NR2F1-AS1: variants seen among roughly 807,000 people sequenced by gnomAD.
NR2F1-AS1 encodes NR2F1 regulatory antisense RNA 1.
At chr5:93,418,204 A>G (rs1749007646) in intron 4 of NR2F1-AS1, among the ~76,000 whole-genome samples, 2 of 152,304 alleles carry the variant, frequency 1.3e-5, no homozygotes, top group African/African-American at 4.8e-5. Flanking sequence ...CTGGTGACTG[A>G]CAGCCGAGGC....
intron 4 of NR2F1-AS1, among the ~76,000 whole-genome samples, chr5:93,531,329 T>C (rs4557387): frequency 0.029 from 4,479 of 152,152 alleles, 214 homozygotes; most frequent in African/African-American, 0.1. Context: ...ATTTGACTGT[T>C]CTAAAACGAA....
intron 4 of NR2F1-AS1, among the ~76,000 whole-genome samples, chr5:93,549,657 G>C (rs1752177644): frequency 1.3e-5 from 2 of 152,046 alleles, no homozygotes. Flanking sequence ...CTTTTACTAA[G>C]GGAATGACTG....
chr5:93,423,174 C>T (rs1249852543), intron 4 of NR2F1-AS1: 1 of 152,262 alleles, frequency 6.6e-6, no homozygotes, highest in Non-Finnish European at 1.5e-5. Flanking sequence ...TGAGAATTCT[C>T]TGAGCAGGAT....
chr5:93,563,169 T>C (rs1163263734), intron 2 of NR2F1-AS1, among the ~76,000 whole-genome samples: 1 of 152,218 alleles, frequency 6.6e-6, no homozygotes, highest in Non-Finnish European at 1.5e-5. Flanking sequence ...TGGGATTATA[T>C]ATGGGCAAGA....
chr5:93,515,499 T>A (rs1431145849), intron 4 of NR2F1-AS1, among the ~76,000 whole-genome samples: 1 of 151,970 alleles, frequency 6.6e-6, no homozygotes, highest in Admixed American at 6.6e-5. Flanking sequence ...GCTGTTTTAA[T>A]TTTTAAACTT....
At chr5:93,457,120 C>A (rs1354966404) in intron 4 of NR2F1-AS1, among the ~76,000 whole-genome samples, 1 of 152,146 alleles carries the variant, frequency 6.6e-6, no homozygotes, top group African/African-American at 2.4e-5. Flanking sequence ...TGCAAAGAGG[C>A]CTTCCTCTTT....
At chr5:93,536,148 A>T (rs1463563322) in intron 4 of NR2F1-AS1, among the ~76,000 whole-genome samples, 1 of 152,210 alleles carries the variant, frequency 6.6e-6, no homozygotes, top group African/African-American at 2.4e-5. Context: ...ATATGCTAAT[A>T]GTGAACTATG....
intron 4 of NR2F1-AS1, among the ~76,000 whole-genome samples, chr5:93,430,097 G>C (rs1749278823): frequency 6.6e-6 from 1 of 152,130 alleles, no homozygotes; most frequent in Non-Finnish European, 1.5e-5. Flanking sequence ...GCAGTCAATG[G>C]TCTTCTCAAA....
chr5:93,555,279 T>C (rs902705827), intron 2 of NR2F1-AS1, among the ~76,000 whole-genome samples: 3 of 152,200 alleles, frequency 2.0e-5, no homozygotes, highest in African/African-American at 7.2e-5. Flanking sequence ...ACCAGTTCTA[T>C]AATAAGTTTT....
chr5:93,529,748 T>C (rs1024146527), intron 4 of NR2F1-AS1, among the ~76,000 whole-genome samples: 7 of 152,120 alleles, frequency 4.6e-5, no homozygotes, highest in Non-Finnish European at 8.8e-5. Context: ...AATAATAAAT[T>C]GCTAGGTTGC....
At chr5:93,461,600 ATGT>A (rs1049069884) in intron 4 of NR2F1-AS1, among the ~76,000 whole-genome samples, 6 of 152,204 alleles carry the variant, frequency 3.9e-5, no homozygotes, top group Non-Finnish European at 7.3e-5. Flanking sequence ...TGAACATCTG[ATGT>A]TGTAGAGTGA....
At chr5:93,547,799 G>A (rs182384408) in intron 4 of NR2F1-AS1, among the ~76,000 whole-genome samples, 2,261 of 152,216 alleles carry the variant, frequency 0.015, 28 homozygotes, top group Non-Finnish European at 0.024. Flanking sequence ...GAAAATGTCA[G>A]TGTTAACATA....
At chr5:93,410,965 G>A (rs1748842748) in intron 4 of NR2F1-AS1, 1 of 152,116 alleles carries the variant, frequency 6.6e-6, no homozygotes, top group South Asian at 2.1e-4. Context: ...CATGTTAGGA[G>A]TTTTTTTGGA....
At chr5:93,457,104 C>G (rs1484645193) in intron 4 of NR2F1-AS1, among the ~76,000 whole-genome samples, 1 of 152,156 alleles carries the variant, frequency 6.6e-6, no homozygotes, top group Non-Finnish European at 1.5e-5. Context: ...TTCCTCTTAT[C>G]TCAACTGCAA....
chr5:93,469,444 T>A (rs541438297), intron 4 of NR2F1-AS1, among the ~76,000 whole-genome samples: 1 of 152,112 alleles, frequency 6.6e-6, no homozygotes, highest in Non-Finnish European at 1.5e-5. Flanking sequence ...CATCACGCAG[T>A]GCATTACCTT....
intron 4 of NR2F1-AS1, among the ~76,000 whole-genome samples, chr5:93,416,905 A>G (rs1172174137): frequency 1.3e-5 from 2 of 152,212 alleles, no homozygotes; most frequent in African/African-American, 4.8e-5. Flanking sequence ...ATTTTAGGTA[A>G]TATTTACCTG....
intron 4 of NR2F1-AS1, among the ~76,000 whole-genome samples, chr5:93,442,781 G>GAC (rs1422650975): frequency 6.6e-6 from 1 of 152,202 alleles, no homozygotes; most frequent in African/African-American, 2.4e-5. Context: ...CTAACTGGGA[G>GAC]ACACCTCCCA....
chr5:93,424,629 C>T (rs928275454), intron 4 of NR2F1-AS1, among the ~76,000 whole-genome samples: 4 of 152,174 alleles, frequency 2.6e-5, no homozygotes, highest in Non-Finnish European at 4.4e-5. Flanking sequence ...CTATTCTCCA[C>T]ATGCTTCTGA....
chr5:93,468,268 C>T (rs1391038539), intron 4 of NR2F1-AS1, among the ~76,000 whole-genome samples: 1 of 152,202 alleles, frequency 6.6e-6, no homozygotes, highest in Non-Finnish European at 1.5e-5. Flanking sequence ...TACACTCCCA[C>T]CAACAGTGTA....
Sources: gnomAD v4.1 joint callset for allele counts (sites outside exome capture counted in the v4.1 genomes callset) on GRCh38, gnomAD v4.1.1 for gene constraint, MANE v1.5 for transcripts, NCBI Gene and HGNC (gene_info 2026-07-23, HGNC 2026-07-21) for gene names.